Variants in BRINP3 observed in about 807,000 individuals in gnomAD.
BRINP3 encodes BMP/retinoic acid-inducible neural-specific protein 3.
A neutral mutation model predicts 71.0 loss-of-function variants in BRINP3; 19 were observed. The ratio of observed to expected loss-of-function variants is 0.27; its 90% CI spans 0.19 to 0.39. The LOEUF (loss-of-function observed/expected upper bound fraction) is 0.39. Ranked by LOEUF, BRINP3 falls within the 10% of genes least tolerant of loss-of-function variation. The pLI is 1.00. For missense variants in BRINP3, 959 were observed against 940.8 expected (o/e 1.02, Z -0.25); for synonymous variants, 380 against 337.7 (o/e 1.13, Z -1.37).
At chr1:190,195,738 C>A (rs1300159261) in intron 6 of BRINP3, among the ~76,000 whole-genome samples, 1 of 151,834 alleles carries the variant, frequency 6.6e-6, no homozygotes, top group Admixed American at 6.6e-5. Flanking sequence ...TTTTCTTCCT[C>A]TCAGTGGGAA....
chr1:190,175,280 CTTCCAAATAA>C (rs1301407868), intron 6 of BRINP3, among the ~76,000 whole-genome samples: 3 of 152,062 alleles, frequency 2.0e-5, no homozygotes, highest in Non-Finnish European at 2.9e-5. Context: ...ATATTTTTAG[CTTCCAAATAA>C]ATGTTCAGTA....
intron 2 of BRINP3, among the ~76,000 whole-genome samples, chr1:190,323,093 G>C (rs1050969260): frequency 6.6e-6 from 1 of 151,960 alleles, no homozygotes. Flanking sequence ...ATTAGTTATG[G>C]GTGTCTGGGT....
At chr1:190,110,800 C>T (rs1484145904) in intron 7 of BRINP3, among the ~76,000 whole-genome samples, 2 of 152,048 alleles carry the variant, frequency 1.3e-5, no homozygotes, top group Non-Finnish European at 2.9e-5. Flanking sequence ...TGAATGGACA[C>T]AGGGTTAAAA....
chr1:190,471,719 G>A (rs1027621038), intron 1 of BRINP3, among the ~76,000 whole-genome samples: 1 of 151,318 alleles, frequency 6.6e-6, no homozygotes, highest in African/African-American at 2.4e-5. Flanking sequence ...TAAGAGTAGA[G>A]ATCATCAGGT....
rs775246193 is a variant in BRINP3 at position 190,098,696 on chromosome 1, C to T, written c.1623G>A (p.Lys541=). The T allele has an allele frequency of 6.2e-7, 1 of 1,614,172 alleles. No homozygotes were observed. The highest frequency in any genetic ancestry group is 1.3e-5 in the African/African-American group (1 of 75,042). Residue 541 remains lysine (K), a synonymous_variant, in exon 8 of 8, where the codon AAG becomes AAA. Transcript: ENST00000367462. ...TCATATGGACCAGACTTGACTTGTA[C>T]TTATTGCTCTTCAAGGTGAGGAGCA... The part of the protein sequence containing the change: ...KRMLLTLKSN[K]YKSSLVHMIL...
intron 6 of BRINP3, among the ~76,000 whole-genome samples, chr1:190,220,903 G>A (rs1297748824): frequency 6.6e-6 from 1 of 152,132 alleles, no homozygotes; most frequent in East Asian, 1.9e-4. Context: ...TAATTTTGGT[G>A]TGCAATTCTC....
At chr1:190,300,284 CT>C (rs1264217990) in intron 2 of BRINP3, among the ~76,000 whole-genome samples, 1 of 152,108 alleles carries the variant, frequency 6.6e-6, no homozygotes, top group African/African-American at 2.4e-5. Context: ...ACCCTTCTCA[CT>C]TCCTTTCATT....
In BRINP3 at chr1:190,106,596, C is replaced by G. The variant is rs898191502; in HGVS notation, c.1185-7462G>C. Reference sequence around the variant, plus strand: ...ATTAATTAACAACATAGAGAGGAAGCTAGAAAAGCAAGTGCAGACTTAAAC... The same window carrying G: ...ATTAATTAACAACATAGAGAGGAAGGTAGAAAAGCAAGTGCAGACTTAAAC... On this transcript the variant is annotated intron_variant, in intron 7 of 7. Coordinates refer to ENST00000367462, the MANE Select transcript of BRINP3 (RefSeq NM_199051.3). Among the ~76,000 whole-genome samples the G allele has an allele frequency of 4.0e-5, 6 of 151,418 alleles. No individual in the cohort carries two copies. The East Asian group carries it at 1.2e-3, about 29-fold the overall frequency.
At chr1:190,122,036 A>C (rs577925681) in intron 7 of BRINP3, among the ~76,000 whole-genome samples, 9 of 152,302 alleles carry the variant, frequency 5.9e-5, no homozygotes, top group African/African-American at 2.2e-4. Flanking sequence ...GGGTAGTAGC[A>C]GTGAAGTGAC....
At chr1:190,110,023 A>T (rs1283170010) in intron 7 of BRINP3, among the ~76,000 whole-genome samples, 1 of 152,188 alleles carries the variant, frequency 6.6e-6, no homozygotes, top group Non-Finnish European at 1.5e-5. Context: ...GTGTATGTAT[A>T]TCTGTATATA....
At position 190,098,885 on chromosome 1, in the gene BRINP3, G is replaced by C. The variant is rs1253865339; in HGVS notation, c.1434C>G (p.Val478=). The C allele has an allele frequency of 6.2e-7, 1 of 1,614,154 alleles. No individual in the cohort carries two copies. Among genetic ancestry groups the C allele is most frequent in the African/African-American group, 1.3e-5 (1 of 75,046 alleles). The change falls in exon 8 of 8, where the codon GTC becomes GTG. Residue 478 remains valine (V), a synonymous_variant. Coordinates refer to ENST00000367462, the MANE Select transcript of BRINP3 (RefSeq NM_199051.3). ...MLSQGLCKPE[V]AESTDHYIGF... is the part of the protein sequence containing the mutation. ...CAATATAGTGATCGGTGGACTCGGC[G>C]ACTTCAGGCTTGCAGAGCCCCTGGC... is the stretch of plus-strand genomic sequence containing the variant.
intron 7 of BRINP3, among the ~76,000 whole-genome samples, chr1:190,123,495 T>G (rs1246757260): frequency 6.6e-6 from 1 of 152,162 alleles, no homozygotes; most frequent in Non-Finnish European, 1.5e-5. Context: ...ATTCAGGTTC[T>G]AAATTTTATT....
chr1:190,452,418 C>T (rs571102423), intron 2 of BRINP3, among the ~76,000 whole-genome samples: 254 of 152,148 alleles, frequency 1.7e-3, no homozygotes, highest in Non-Finnish European at 3.1e-3. Context: ...TAGCACAGGG[C>T]TAATGAAGGT....
At chr1:190,401,734 TAAAAG>T (rs1383601749) in intron 2 of BRINP3, among the ~76,000 whole-genome samples, 2 of 151,834 alleles carry the variant, frequency 1.3e-5, no homozygotes, top group African/African-American at 2.4e-5. Flanking sequence ...CCCAAATTAA[TAAAAG>T]AAAACAATTA....
At chr1:190,201,755 A>G (rs2102614493) in intron 6 of BRINP3, among the ~76,000 whole-genome samples, 1 of 152,074 alleles carries the variant, frequency 6.6e-6, no homozygotes, top group Admixed American at 6.6e-5. Context: ...GCAAGCCTTA[A>G]TCAAGCCTTG....
intron 2 of BRINP3, among the ~76,000 whole-genome samples, chr1:190,445,575 A>T (rs1009459634): frequency 1.9e-5 from 2 of 103,910 alleles, no homozygotes; most frequent in Non-Finnish European, 2.0e-5. Context: ...ACACATACTC[A>T]CACACACACA....
intron 2 of BRINP3, among the ~76,000 whole-genome samples, chr1:190,416,052 C>A (rs973414833): frequency 6.6e-6 from 1 of 152,026 alleles, no homozygotes; most frequent in African/African-American, 2.4e-5. Context: ...ACATTTTGGT[C>A]CCCCTTGAAT....
intron 2 of BRINP3, among the ~76,000 whole-genome samples, chr1:190,348,755 T>C (rs1558204864): frequency 6.6e-6 from 1 of 152,092 alleles, no homozygotes; most frequent in Non-Finnish European, 1.5e-5. Context: ...ATACCCAGAG[T>C]AGGCAATTTG....
At chr1:190,331,379 G>C (rs56317812) in intron 2 of BRINP3, among the ~76,000 whole-genome samples, 1 of 151,740 alleles carries the variant, frequency 6.6e-6, no homozygotes, top group East Asian at 1.9e-4. Context: ...ACTTACTGTC[G>C]TCTTGATTTC....
Sources: gnomAD v4.1 joint callset for allele counts (sites outside exome capture counted in the v4.1 genomes callset) on GRCh38, gnomAD v4.1.1 for gene constraint, MANE v1.5 for transcripts, NCBI Gene and HGNC (gene_info 2026-07-23, HGNC 2026-07-21) for gene names.